SDCCAG8: variants seen among roughly 807,000 people sequenced by gnomAD.
SDCCAG8 encodes the protein SHH signaling and ciliogenesis regulator SDCCAG8.
In SDCCAG8, 74 loss-of-function variants were observed where a neutral mutation model predicts 101.8. The observed-to-expected ratio is 0.73, with a 90% CI of 0.60 to 0.88. The LOEUF is 0.88. Among genes scored for constraint, SDCCAG8 ranks in the 40% least tolerant of loss-of-function variants. SDCCAG8 has a pLI of 0.00. For missense variants in SDCCAG8, 787 were observed against 822.6 expected (o/e 0.96, Z 0.53); for synonymous variants, 281 against 292.9 (o/e 0.96, Z 0.41).
At position 243,307,754 on chromosome 1, in the gene SDCCAG8, A is replaced by C; in HGVS notation, c.741-235A>C. The C allele has an allele frequency of 4.2e-6, 6 of 1,418,570 alleles. No individual in the cohort carries two copies. In the South Asian group the frequency reaches 9.3e-5, roughly 22 times the overall value. The allele number at this position is 1,418,570 out of a possible 1,614,324, so 87.9% of individuals were successfully genotyped here. A position where few individuals can be genotyped will look rare whatever the true frequency, so the allele number is the denominator to read the frequency against. ...ATTCTAATCTATATTAAAATCTTAC[A>C]AGAACCTAAGCTAATTATGTAATTT... On this transcript the variant is annotated intron_variant, in intron 7 of 17. Coordinates refer to ENST00000366541, the MANE Select transcript of SDCCAG8 (RefSeq NM_006642.5).
At chr1:243,420,597 T>G (rs12035042) in intron 15 of SDCCAG8, among the ~76,000 whole-genome samples, 27,627 of 152,134 alleles carry the variant, frequency 0.18, 2,785 homozygotes, top group African/African-American at 0.27. Context: ...AGTTTACAAT[T>G]TGACTCAACC....
At chr1:243,472,679 G>A (rs1558515646) in intron 16 of SDCCAG8, among the ~76,000 whole-genome samples, 2 of 152,140 alleles carry the variant, frequency 1.3e-5, no homozygotes, top group Non-Finnish European at 2.9e-5. Flanking sequence ...ATTTGCTGTG[G>A]AACAATGCAA....
intron 7 of SDCCAG8, chr1:243,307,376 T>G: frequency 5.1e-6 from 5 of 984,070 alleles, no homozygotes; most frequent in Non-Finnish European, 6.0e-6. Context: ...CTATGTAACT[T>G]CCTTCTGTAA....
chr1:243,481,460 A>T (rs1014973275), intron 16 of SDCCAG8, among the ~76,000 whole-genome samples: 1 of 152,178 alleles, frequency 6.6e-6, no homozygotes, highest in Non-Finnish European at 1.5e-5. Context: ...TGTTATGAGG[A>T]TTAAATTAGG....
Position 243,341,124 on chromosome 1 carries a change from T to G in SDCCAG8, c.1307T>G (p.Leu436Arg). 6.2e-7 allele frequency: 1 copy of G among 1,614,084 alleles called. No individual in the cohort carries two copies. The highest frequency in any genetic ancestry group is 8.5e-7 in the Non-Finnish European group (1 of 1,179,942). ...GAAAAGATTTCAGCTATTAATCAAC[T>G]GGAGGAAATTCAAAGCCAGCTGGCT... ...TKEKISAINQ[L>R]EEIQSQLASR... is the part of the protein sequence containing the mutation. Residue 436 changes from leucine to arginine, a missense_variant, in exon 11 of 18, where the codon CTG becomes CGG. By Grantham distance (102) the Leu-to-Arg change is moderately radical. Coordinates refer to ENST00000366541, the MANE Select transcript of SDCCAG8 (RefSeq NM_006642.5).
chr1:243,491,260 C>T (rs895528734), intron 17 of SDCCAG8, among the ~76,000 whole-genome samples: 1 of 152,150 alleles, frequency 6.6e-6, no homozygotes, highest in Non-Finnish European at 1.5e-5. Context: ...AAAATTTTCA[C>T]AAAACGCATT....
At position 243,378,772 on chromosome 1, in the gene SDCCAG8, C is replaced by T. The variant is rs199919586; in HGVS notation, c.1525C>T (p.Gln509Ter). 1 of 1,613,894 alleles carries T rather than the reference C, an allele frequency of 6.2e-7. No homozygotes were observed. The highest frequency in any genetic ancestry group is 1.1e-5 in the South Asian group (1 of 91,074). Reference protein sequence around the residue: ...ELDESKQHLEQEQQKAALARE... With the variant: ...ELDESKQHLE ...GGATGAAAGCAAACAACACTTGGAACAGGAGCAGCAGAAGGCAGCCCTGGC... is the reference window on the plus strand; with the variant it reads ...GGATGAAAGCAAACAACACTTGGAATAGGAGCAGCAGAAGGCAGCCCTGGC... The change falls in exon 13 of 18, where the codon CAG becomes TAG. Residue 509 changes from glutamine to a stop codon, truncating the protein, a stop_gained. Coordinates refer to ENST00000366541, the MANE Select transcript of SDCCAG8 (RefSeq NM_006642.5). LOFTEE classifies it high-confidence loss of function.
At chr1:243,440,020 A>G (rs1256845717) in intron 16 of SDCCAG8, among the ~76,000 whole-genome samples, 1 of 152,194 alleles carries the variant, frequency 6.6e-6, no homozygotes, top group African/African-American at 2.4e-5. Flanking sequence ...AATGGAGCAT[A>G]TGGTGCATAA....
At chr1:243,430,760 A>G (rs1429534389) in intron 16 of SDCCAG8, among the ~76,000 whole-genome samples, 1 of 152,036 alleles carries the variant, frequency 6.6e-6, no homozygotes, top group Non-Finnish European at 1.5e-5. Flanking sequence ...TTTATCATGG[A>G]CCTTTAAATT....
chr1:243,307,756 G>A (rs2072301891), intron 7 of SDCCAG8: 1 of 1,418,224 alleles, frequency 7.1e-7, no homozygotes, highest in Admixed American at 2.9e-5. Context: ...AATCTTACAA[G>A]AACCTAAGCT....
chr1:243,260,377 C>G (rs186651366), intron 1 of SDCCAG8, among the ~76,000 whole-genome samples: 1 of 152,046 alleles, frequency 6.6e-6, no homozygotes, highest in African/African-American at 2.4e-5. Flanking sequence ...ACAGAATGGC[C>G]GAGAACTACA....
chr1:243,393,982 A>G (rs1449923518), intron 13 of SDCCAG8, among the ~76,000 whole-genome samples: 1 of 152,242 alleles, frequency 6.6e-6, no homozygotes, highest in Admixed American at 6.5e-5. Context: ...ACAAAAATCA[A>G]ACCAACTCAT....
At chr1:243,256,280 C>G in intron 1 of SDCCAG8, 40 bp downstream of exon 1, 1 of 1,576,304 alleles carries the variant, frequency 6.3e-7, no homozygotes, top group Non-Finnish European at 8.7e-7. Flanking sequence ...CCCGAGGTGC[C>G]CAGGGCCTAG....
intron 16 of SDCCAG8, among the ~76,000 whole-genome samples, chr1:243,441,271 C>T (rs1445914928): frequency 6.6e-6 from 1 of 152,148 alleles, no homozygotes; most frequent in South Asian, 2.1e-4. Flanking sequence ...CTCACACAGT[C>T]CTCTGCAAAT....
At chr1:243,382,430 G>A (rs1041271357) in intron 13 of SDCCAG8, among the ~76,000 whole-genome samples, 3 of 152,028 alleles carry the variant, frequency 2.0e-5, no homozygotes, top group Admixed American at 6.6e-5. Flanking sequence ...GAAAAAAAGG[G>A]GAAACAATAT....
chr1:243,424,651 C>T (rs2081225628), intron 15 of SDCCAG8, among the ~76,000 whole-genome samples: 1 of 151,902 alleles, frequency 6.6e-6, no homozygotes, highest in Non-Finnish European at 1.5e-5. Flanking sequence ...CATAACCAAG[C>T]TCCTGTTGAT....
intron 6 of SDCCAG8, among the ~76,000 whole-genome samples, chr1:243,304,213 T>A (rs2071850070): frequency 6.6e-6 from 1 of 152,248 alleles, no homozygotes; most frequent in South Asian, 2.1e-4. Context: ...TCCTTGCAGT[T>A]CAAGCCACCT....
chr1:243,483,395 C>A (rs1664167499), intron 16 of SDCCAG8, among the ~76,000 whole-genome samples: 1 of 152,156 alleles, frequency 6.6e-6, no homozygotes, highest in African/African-American at 2.4e-5. Flanking sequence ...CGAGCGCCCT[C>A]CGCGACCCGC....
intron 16 of SDCCAG8, among the ~76,000 whole-genome samples, chr1:243,457,222 G>A (rs1402797750): frequency 2.6e-5 from 4 of 151,866 alleles, no homozygotes; most frequent in African/African-American, 4.8e-5. Context: ...ATTCAGAATA[G>A]CATGTGTCTA....
Sources: gnomAD v4.1 joint callset for allele counts (sites outside exome capture counted in the v4.1 genomes callset) on GRCh38, gnomAD v4.1.1 for gene constraint, MANE v1.5 for transcripts, NCBI Gene and HGNC (gene_info 2026-07-23, HGNC 2026-07-21) for gene names.